Variants in SPTBN4 observed in about 807,000 individuals in gnomAD.
The protein encoded by SPTBN4 is spectrin beta chain, non-erythrocytic 4.
Under a neutral mutation model 277.8 loss-of-function variants are expected in SPTBN4, and 96 were observed. The observed-to-expected ratio is 0.35, with a 90% CI of 0.29 to 0.41. The LOEUF (loss-of-function observed/expected upper bound fraction) is 0.41, where lower values mean the gene tolerates loss of function less well. Among genes scored for constraint, SPTBN4 ranks in the 10% least tolerant of loss-of-function variants. The pLI is 1.00. For synonymous variants in SPTBN4, 1,481 were observed against 1,580.3 expected (o/e 0.94, Z 1.49); for missense variants, 3,006 against 3,595.7 (o/e 0.84, Z 4.19).
intron 2 of SPTBN4, among the ~76,000 whole-genome samples, chr19:40,475,180 A>G (rs1019971178): frequency 3.3e-5 from 5 of 152,110 alleles, no homozygotes; most frequent in African/African-American, 4.8e-5. Flanking sequence ...GAAGTGTTTA[A>G]TCATCAGCAT....
At chr19:40,552,613 A>C (rs1183765774) in intron 22 of SPTBN4, among the ~76,000 whole-genome samples, 2 of 152,176 alleles carry the variant, frequency 1.3e-5, no homozygotes, top group Non-Finnish European at 2.9e-5. Flanking sequence ...GTATGTTGGA[A>C]GAATAGGGCA....
In SPTBN4 at chr19:40,519,889, G is replaced by A; in HGVS notation, c.3392G>A (p.Arg1131His). 1.3e-6 allele frequency: 2 copies of A among 1,517,102 alleles called. No individual in the cohort carries two copies. Among genetic ancestry groups the A allele is most frequent in the Non-Finnish European group, 1.8e-6 (2 of 1,142,462 alleles). 94.0% of individuals were successfully genotyped at this position (1,517,102 alleles called of 1,614,324 possible). A position where few individuals can be genotyped will look rare whatever the true frequency, so the allele number is the denominator to read the frequency against. Residue 1131 changes from arginine (R) to histidine (H), a missense_variant, in exon 16 of 36, where the codon CGC (arginine) becomes CAC (histidine). Coordinates refer to ENST00000598249, the MANE Select transcript of SPTBN4 (RefSeq NM_020971.3). The surrounding 1 kb of genome is among the most constrained non-coding windows in gnomAD (Gnocchi z 5.7). ...SLEEADALLA[R>H]HAALKEEVDQ... ...GAAGAGGCGGACGCGCTGCTGGCGC[G>A]CCACGCTGCGCTCAAGGAGGAGGTG...
At position 40,554,875 on chromosome 19, in the gene SPTBN4, A is replaced by G. The variant is rs1285925745; in HGVS notation, c.5084+229A>G. The G allele has an allele frequency of 1.8e-6, 1 of 556,342 alleles. No individual in the cohort carries two copies. The highest frequency in any genetic ancestry group is 2.2e-5 in the South Asian group (1 of 45,976). 34.5% of individuals were successfully genotyped at this position (556,342 alleles called of 1,614,324 possible). A position where few individuals can be genotyped will look rare whatever the true frequency, so the allele number is the denominator to read the frequency against. On this transcript the variant is annotated intron_variant, in intron 24 of 35. Transcript: ENST00000598249. The surrounding 1 kb of genome is among the most constrained non-coding windows in gnomAD (Gnocchi z 5.7). The stretch of plus-strand genomic sequence containing the variant: ...CCTGGATTTGAGTGTAGTAGTGGGG[A>G]CCTTGTCGGGGGAGAAAAGAGTAGG...
At chr19:40,468,241 C>T (rs2079848844) in intron 1 of SPTBN4, among the ~76,000 whole-genome samples, 1 of 151,974 alleles carries the variant, frequency 6.6e-6, no homozygotes. Context: ...CCATGCCTGG[C>T]TAATTTTGAA....
At chr19:40,536,919 G>C (rs2080744000) in intron 20 of SPTBN4, among the ~76,000 whole-genome samples, 2 of 152,000 alleles carry the variant, frequency 1.3e-5, no homozygotes, top group Non-Finnish European at 2.9e-5. Flanking sequence ...GCAAGTAGCT[G>C]GGACTACGGA....
intron 3 of SPTBN4, among the ~76,000 whole-genome samples, 168 bp downstream of exon 3, chr19:40,488,016 C>T (rs1201317777): frequency 1.3e-5 from 2 of 152,090 alleles, no homozygotes; most frequent in Non-Finnish European, 2.9e-5. Context: ...GTGTGTGGGG[C>T]TGTGGCGCTG....
Position 40,520,165 on chromosome 19 carries a change from G to T in SPTBN4, c.3654+14G>T. 4.3e-6 allele frequency: 6 copies of T among 1,399,644 alleles called. No homozygotes were observed. The highest frequency in any genetic ancestry group is 5.6e-6 in the Non-Finnish European group (6 of 1,077,408). The allele number at this position is 1,399,644 out of a possible 1,614,324, so 86.7% of individuals were successfully genotyped here. ...CTGCGTAACCAGGTGCCCACTCGGG[G>T]TGTACATTTCGGAGAGGGAGAGTCC... On this transcript the variant is annotated intron_variant, in intron 16 of 35. Coordinates refer to ENST00000598249, the MANE Select transcript of SPTBN4 (RefSeq NM_020971.3).
At position 40,554,865 on chromosome 19, in the gene SPTBN4, A is replaced by G; in HGVS notation, c.5084+219A>G. Reference sequence around the variant, plus strand: ...GCCAGGAGCACCTGGATTTGAGTGTAGTAGTGGGGACCTTGTCGGGGGAGA... The same window carrying G: ...GCCAGGAGCACCTGGATTTGAGTGTGGTAGTGGGGACCTTGTCGGGGGAGA... On this transcript the variant is annotated intron_variant, in intron 24 of 35. Transcript: ENST00000598249. The surrounding 1 kb of genome is among the most constrained non-coding windows in gnomAD (Gnocchi z 5.7). The G allele has an allele frequency of 1.7e-6, 1 of 600,994 alleles. No individual in the cohort carries two copies. Among genetic ancestry groups the G allele is most frequent in the Non-Finnish European group, 2.9e-6 (1 of 350,564 alleles). 37.2% of individuals were successfully genotyped at this position (600,994 alleles called of 1,614,324 possible).
intron 35 of SPTBN4, among the ~76,000 whole-genome samples, chr19:40,573,596 C>T (rs552443184): frequency 1.4e-4 from 21 of 152,222 alleles, no homozygotes; most frequent in Admixed American, 9.8e-4. Flanking sequence ...TTCGGGAGGC[C>T]GAGGCGGGTG....
chr19:40,505,254 G>A (rs1033048227), intron 12 of SPTBN4, among the ~76,000 whole-genome samples: 2 of 150,892 alleles, frequency 1.3e-5, no homozygotes, highest in South Asian at 2.1e-4. Context: ...AGCTAGGCGT[G>A]GTGGTGTGCG....
At chr19:40,472,156 G>A (rs530089620) in intron 1 of SPTBN4, among the ~76,000 whole-genome samples, 16 of 152,028 alleles carry the variant, frequency 1.1e-4, no homozygotes, top group African/African-American at 3.1e-4. Flanking sequence ...TGATCCGCCC[G>A]CCTCTGCCTC....
At chr19:40,497,770 G>T (rs1288487155) in intron 7 of SPTBN4, among the ~76,000 whole-genome samples, 166 bp downstream of exon 7, 1 of 150,678 alleles carries the variant, frequency 6.6e-6, no homozygotes, top group African/African-American at 2.4e-5. Flanking sequence ...TCCTCCCCTT[G>T]TGCCTCCCCT....
chr19:40,494,762 C>A, intron 5 of SPTBN4, 135 bp from the exon 6 acceptor site: 1 of 725,766 alleles, frequency 1.4e-6, no homozygotes, highest in Non-Finnish European at 2.4e-6. Flanking sequence ...ACCCACCCAT[C>A]CATCCATCTT....
intron 26 of SPTBN4, among the ~76,000 whole-genome samples, chr19:40,558,370 A>C (rs1402838917): frequency 2.0e-5 from 3 of 151,286 alleles, no homozygotes; most frequent in African/African-American, 4.9e-5. Context: ...AAAAAAAAAG[A>C]ACTTAGATAA....
rs1370349700 is a variant in SPTBN4 at position 40,476,362 on chromosome 19, AAGAG to A, written c.169+3584_169+3587del. The stretch of plus-strand genomic sequence containing the variant: ...CTCTGTCTCAAAAAAAAAAAAAAAA[AAGAG>A]AGAGAGAGAGAAATCTGTATATGCC... On this transcript the variant is annotated intron_variant, in intron 2 of 35. Coordinates refer to ENST00000598249, the MANE Select transcript of SPTBN4 (RefSeq NM_020971.3). Among the ~76,000 whole-genome samples the A allele has an allele frequency of 1.3e-4, 19 of 144,990 alleles. 1 individual carries two copies. Among genetic ancestry groups the A allele is most frequent in the South Asian group, 1.3e-3 (6 of 4,696 alleles).
At chr19:40,528,166 C>T (rs925170105) in intron 17 of SPTBN4, among the ~76,000 whole-genome samples, 2 of 151,776 alleles carry the variant, frequency 1.3e-5, no homozygotes, top group Admixed American at 6.6e-5. Context: ...TCTCTCTCTC[C>T]CTGGGGGAGA....
chr19:40,549,044 A>G, intron 20 of SPTBN4, 145 bp from the exon 21 acceptor site: 1 of 635,342 alleles, frequency 1.6e-6, no homozygotes, highest in Non-Finnish European at 2.6e-6. Flanking sequence ...TGCGGAGCGC[A>G]TCGCTCCTGG....
chr19:40,509,525 G>T (rs1044517771), intron 13 of SPTBN4, among the ~76,000 whole-genome samples: 6 of 152,192 alleles, frequency 3.9e-5, no homozygotes, highest in African/African-American at 1.4e-4. Context: ...GATTACAGGT[G>T]TGAGGCACTG....
At chr19:40,562,632 C>T (rs181106013) in intron 27 of SPTBN4, among the ~76,000 whole-genome samples, 80 of 149,428 alleles carry the variant, frequency 5.4e-4, no homozygotes, top group East Asian at 2.0e-3. Context: ...GTCGGGAGTT[C>T]GAGAGCAGCC....
Sources: gnomAD v4.1 joint callset for allele counts (sites outside exome capture counted in the v4.1 genomes callset) on GRCh38, gnomAD v4.1.1 for gene constraint, Gnocchi (gnomAD v3.1) non-coding constraint, MANE v1.5 for transcripts, NCBI Gene and HGNC (gene_info 2026-07-23, HGNC 2026-07-21) for gene names.